Variants in TXNDC16 observed in about 807,000 individuals in gnomAD.
TXNDC16 encodes the protein thioredoxin domain containing 16.
TXNDC16 carries 74 observed loss-of-function variants against 85.6 expected under a neutral mutation model. That is an observed-to-expected ratio of 0.86 (90% confidence interval 0.72 to 1.05). The LOEUF is 1.05. TXNDC16 is among the 50% of genes least tolerant of loss of function. TXNDC16 has a pLI of 0.00. For missense variants in TXNDC16, 959 were observed against 947.0 expected, an observed-to-expected ratio of 1.01 and a Z score of -0.17; for synonymous variants, 335 against 326.5, an observed-to-expected ratio of 1.03 and a Z score of -0.28.
At chr14:52,466,568 A>T (rs1283182878) in intron 16 of TXNDC16, among the ~76,000 whole-genome samples, 2 of 151,888 alleles carry the variant, frequency 1.3e-5, no homozygotes, top group African/African-American at 4.8e-5. Flanking sequence ...ACCATATTTT[A>T]AAAAATAAAG....
intron 16 of TXNDC16, among the ~76,000 whole-genome samples, chr14:52,457,945 T>C (rs1276580733): frequency 1.3e-5 from 2 of 152,174 alleles, no homozygotes; most frequent in Non-Finnish European, 2.9e-5. Flanking sequence ...GTCAAATTCT[T>C]GCCAAGTGAA....
intron 11 of TXNDC16, 60 bp downstream of exon 11, chr14:52,490,331 A>T: frequency 8.6e-7 from 1 of 1,165,792 alleles, no homozygotes; most frequent in Non-Finnish European, 1.2e-6. Flanking sequence ...ATTAAAGACC[A>T]CATATATTAG....
At chr14:52,516,474 A>G (rs1374408573) in intron 7 of TXNDC16, among the ~76,000 whole-genome samples, 1 of 152,058 alleles carries the variant, frequency 6.6e-6, no homozygotes, top group Non-Finnish European at 1.5e-5. Flanking sequence ...CTCATTCTCA[A>G]TCCTTGAACT....
chr14:52,432,048 C>T lies in TXNDC16; in HGVS notation c.*256G>A, dbSNP rs2034909994. 3.2e-6 allele frequency: 1 copy of T among 310,312 alleles called. No individual in the cohort carries two copies. The highest frequency in any genetic ancestry group is 5.8e-6 in the Non-Finnish European group (1 of 171,916). 19.2% of individuals were successfully genotyped at this position (310,312 alleles called of 1,614,324 possible). ...TGGTACAAAAAAGGATGTAAAATAT[C>T]TCATTAATAATTTCTATATTTCGCT... On this transcript the variant is annotated 3_prime_UTR_variant, in exon 21 of 21. Coordinates refer to ENST00000281741, the MANE Select transcript of TXNDC16 (RefSeq NM_020784.3).
At chr14:52,475,162 C>G (rs1261855331) in intron 14 of TXNDC16, among the ~76,000 whole-genome samples, 2 of 152,166 alleles carry the variant, frequency 1.3e-5, no homozygotes, top group African/African-American at 4.8e-5. Flanking sequence ...GCAGGAAAAT[C>G]CCTGTGGACT....
chr14:52,455,613 T>TTA, intron 17 of TXNDC16, 151 bp from the exon 18 acceptor site: 1 of 783,290 alleles, frequency 1.3e-6, no homozygotes, highest in South Asian at 1.9e-5. Context: ...CAAACTTATC[T>TTA]TCTATGACAA....
At chr14:52,454,453 G>A (rs2035482740) in intron 18 of TXNDC16, among the ~76,000 whole-genome samples, 1 of 149,856 alleles carries the variant, frequency 6.7e-6, no homozygotes, top group South Asian at 2.1e-4. Context: ...AAAAGCTCAT[G>A]TAACCCATAA....
At position 52,478,383 on chromosome 14, in the gene TXNDC16, A is replaced by G. The variant is rs555824024; in HGVS notation, c.1312+3847T>C. 6.6e-5 allele frequency among the ~76,000 whole-genome samples: 10 copies of G among 152,284 alleles called. No individual in the cohort carries two copies. In the East Asian group the frequency reaches 1.9e-3, roughly 29 times the overall value. On this transcript the variant is annotated intron_variant, in intron 14 of 20. Transcript: ENST00000281741. ...AAAAAATACAAAAGATAAATGAAAC[A>G]AAAAGCTGGTTCTTTGCAAAGAAAA...
intron 9 of TXNDC16, among the ~76,000 whole-genome samples, chr14:52,505,089 CAAAG>C (rs1203163437): frequency 1.3e-5 from 2 of 152,178 alleles, no homozygotes; most frequent in Admixed American, 6.5e-5. Context: ...TAGCGACCTA[CAAAG>C]AGACTTAGAC....
At position 52,430,894 on chromosome 14, in the gene TXNDC16, G is replaced by C. The variant is rs909642769; in HGVS notation, c.*1410C>G. The stretch of plus-strand genomic sequence containing the variant: ...GAGTAGCAACGGGTCTATGTTATAA[G>C]GAAATATATGCACTTACTGAGTTTT... On this transcript the variant is annotated 3_prime_UTR_variant, in exon 21 of 21. Transcript: ENST00000281741. The C allele has an allele frequency of 1.1e-4, 16 of 152,118 alleles. No individual in the cohort carries two copies. Among genetic ancestry groups the C allele is most frequent in the Non-Finnish European group, 1.8e-4 (12 of 68,026 alleles). The allele number at this position is 152,118 out of a possible 1,614,324, so 9.4% of individuals were successfully genotyped here.
intron 9 of TXNDC16, among the ~76,000 whole-genome samples, chr14:52,498,857 T>C (rs572760226): frequency 1.8e-4 from 28 of 152,166 alleles, no homozygotes; most frequent in Non-Finnish European, 2.4e-4. Flanking sequence ...GGATTTCAGA[T>C]AGCCCAGACA....
intron 14 of TXNDC16, among the ~76,000 whole-genome samples, chr14:52,474,866 G>A (rs919418410): frequency 4.6e-5 from 7 of 152,120 alleles, no homozygotes; most frequent in Non-Finnish European, 7.4e-5. Context: ...GTGGAGGCTC[G>A]CCTCATGAAC....
At chr14:52,551,930 C>G (rs2038060282) in intron 1 of TXNDC16, among the ~76,000 whole-genome samples, 1 of 150,922 alleles carries the variant, frequency 6.6e-6, no homozygotes, top group Admixed American at 6.6e-5. Flanking sequence ...TTCCCAAATT[C>G]TACGTTTGAA....
At chr14:52,494,017 C>A (rs969521010) in intron 9 of TXNDC16, among the ~76,000 whole-genome samples, 3 of 151,836 alleles carry the variant, frequency 2.0e-5, no homozygotes, top group Admixed American at 6.6e-5. Flanking sequence ...CTGGACTCAG[C>A]CAATCCACCC....
chr14:52,452,997 AATCTG>A (rs1230213297), intron 18 of TXNDC16, among the ~76,000 whole-genome samples: 1 of 152,162 alleles, frequency 6.6e-6, no homozygotes, highest in Non-Finnish European at 1.5e-5. Flanking sequence ...AGTAGGAAAA[AATCTG>A]ATTTAAAAAA....
intron 12 of TXNDC16, among the ~76,000 whole-genome samples, chr14:52,485,640 C>G (rs1354499584): frequency 2.6e-5 from 4 of 152,102 alleles, no homozygotes; most frequent in African/African-American, 7.2e-5. Flanking sequence ...TCTGTGTTTA[C>G]ACGTTTAGAT....
At chr14:52,480,943 T>C (rs921737602) in intron 14 of TXNDC16, among the ~76,000 whole-genome samples, 1 of 118,926 alleles carries the variant, frequency 8.4e-6, no homozygotes, top group Non-Finnish European at 1.7e-5. Context: ...AAAGACACTG[T>C]GGTGTGTGTG....
At chr14:52,527,289 T>C (rs2037358693) in intron 6 of TXNDC16, among the ~76,000 whole-genome samples, 1 of 152,148 alleles carries the variant, frequency 6.6e-6, no homozygotes, top group Non-Finnish European at 1.5e-5. Context: ...CAGGATCTGA[T>C]ACTATCTTCA....
At chr14:52,547,164 T>C (rs902170340) in intron 1 of TXNDC16, among the ~76,000 whole-genome samples, 3 of 152,130 alleles carry the variant, frequency 2.0e-5, no homozygotes, top group African/African-American at 7.2e-5. Flanking sequence ...CCCCCACCCG[T>C]GCATGGTCAC....
Sources: gnomAD v4.1 joint callset for allele counts (sites outside exome capture counted in the v4.1 genomes callset) on GRCh38, gnomAD v4.1.1 for gene constraint, MANE v1.5 for transcripts, NCBI Gene and HGNC (gene_info 2026-07-23, HGNC 2026-07-21) for gene names.